The following VAT1L variants were observed in gnomAD, a reference collection of about 807,000 sequenced individuals.
The protein encoded by VAT1L is putative NADPH-dependent quinone oxidoreductase VAT1L.
A neutral mutation model predicts 44.1 loss-of-function variants in VAT1L; 34 were observed. The observed-to-expected ratio is 0.77, with a 90% CI of 0.59 to 1.03. The LOEUF (loss-of-function observed/expected upper bound fraction) is 1.03, where lower values mean the gene tolerates loss of function less well. Ranked by LOEUF, VAT1L falls within the 50% of genes least tolerant of loss-of-function variation. VAT1L has a pLI of 0.00. For synonymous variants in VAT1L, 253 were observed against 202.2 expected (o/e 1.25, Z -2.13); for missense variants, 615 against 538.8 (o/e 1.14, Z -1.40).
At chr16:77,948,871 A>G (rs2018005297) in intron 7 of VAT1L, among the ~76,000 whole-genome samples, 2 of 152,178 alleles carry the variant, frequency 1.3e-5, no homozygotes, top group South Asian at 4.1e-4. Context: ...ATAGGGTTAT[A>G]ATGAGGAGTG....
At chr16:77,926,201 C>T (rs995882955) in intron 7 of VAT1L, among the ~76,000 whole-genome samples, 2 of 144,728 alleles carry the variant, frequency 1.4e-5, no homozygotes, top group Admixed American at 7.0e-5. Flanking sequence ...TGCAGTGAGC[C>T]GAGATCGCAC....
At chr16:77,975,961 C>G (rs1159211334) in intron 8 of VAT1L, among the ~76,000 whole-genome samples, 1 of 152,184 alleles carries the variant, frequency 6.6e-6, no homozygotes, top group Non-Finnish European at 1.5e-5. Flanking sequence ...TAGAACAGAA[C>G]TAACAACAAT....
intron 7 of VAT1L, among the ~76,000 whole-genome samples, chr16:77,945,422 G>A (rs951617813): frequency 6.6e-6 from 1 of 151,684 alleles, no homozygotes; most frequent in Non-Finnish European, 1.5e-5. Flanking sequence ...GAGTAACTGC[G>A]ATTACAGGCA....
chr16:77,871,098 C>T (rs1457320972), intron 4 of VAT1L, among the ~76,000 whole-genome samples: 1 of 152,190 alleles, frequency 6.6e-6, no homozygotes, highest in Non-Finnish European at 1.5e-5. Flanking sequence ...AGGAACATTT[C>T]TACCCTTGAA....
intron 2 of VAT1L, among the ~76,000 whole-genome samples, chr16:77,824,034 A>G (rs1203128877): frequency 6.6e-6 from 1 of 152,180 alleles, no homozygotes; most frequent in Non-Finnish European, 1.5e-5. Context: ...AGAAAAAAAA[A>G]GAAAAGAAAA....
chr16:77,875,444 T>A (rs558988232), intron 4 of VAT1L, among the ~76,000 whole-genome samples: 1 of 152,190 alleles, frequency 6.6e-6, no homozygotes, highest in Non-Finnish European at 1.5e-5. Context: ...AGGAATGCCA[T>A]TCTTGTCTGA....
intron 7 of VAT1L, among the ~76,000 whole-genome samples, chr16:77,919,868 A>C (rs1040108050): frequency 7.9e-5 from 12 of 152,258 alleles, no homozygotes; most frequent in Admixed American, 2.0e-4. Flanking sequence ...GAGGCAGATC[A>C]CTTGCGGTCA....
At chr16:77,877,512 CAAAAA>C (rs55704400) in intron 5 of VAT1L, among the ~76,000 whole-genome samples, 1,537 of 85,928 alleles carry the variant, frequency 0.018, 2 homozygotes, top group African/African-American at 0.061. Context: ...GACTCTGTCT[CAAAAA>C]AAAAAAAAAA....
At chr16:77,876,509 A>G (rs766102909) in intron 5 of VAT1L, 36 bp downstream of exon 5, 1 of 1,580,878 alleles carries the variant, frequency 6.3e-7, no homozygotes, top group Non-Finnish European at 8.7e-7. Flanking sequence ...GTGGTCAGCA[A>G]TAGGTACCTC....
At chr16:77,863,578 C>A (rs1190487172) in intron 4 of VAT1L, among the ~76,000 whole-genome samples, 1 of 152,074 alleles carries the variant, frequency 6.6e-6, no homozygotes, top group African/African-American at 2.4e-5. Context: ...GAAGCATGAG[C>A]CAGAATTATC....
chr16:77,871,048 C>T (rs1597076099), intron 4 of VAT1L, among the ~76,000 whole-genome samples: 1 of 152,186 alleles, frequency 6.6e-6, no homozygotes, highest in Non-Finnish European at 1.5e-5. Flanking sequence ...AGGGACTCAA[C>T]AGAGGTGGAG....
At chr16:77,851,864 G>A (rs995610997) in intron 3 of VAT1L, among the ~76,000 whole-genome samples, 2 of 152,094 alleles carry the variant, frequency 1.3e-5, no homozygotes, top group African/African-American at 2.4e-5. Flanking sequence ...CCATATTGTC[G>A]TGTTTCCCCA....
In VAT1L at chr16:77,946,484, G is replaced by A. The variant is rs533376093; in HGVS notation, c.1078-25366G>A. Among the ~76,000 whole-genome samples the A allele has an allele frequency of 2.1e-4, 32 of 151,170 alleles. No homozygotes were observed. In the East Asian group the frequency reaches 3.4e-3, roughly 16 times the overall value. ...TTTTAAGTAGAGACAAGGTTTCACC[G>A]TGTTAGCCAGCATGATCTCGATCTC... On this transcript the variant is annotated intron_variant, in intron 7 of 8. Coordinates refer to ENST00000302536, the MANE Select transcript of VAT1L (RefSeq NM_020927.3).
intron 7 of VAT1L, among the ~76,000 whole-genome samples, chr16:77,899,352 A>G (rs1178181365): frequency 6.6e-6 from 1 of 152,220 alleles, no homozygotes; most frequent in Non-Finnish European, 1.5e-5. Context: ...CCCGTCAGGC[A>G]TCCTGATTTG....
chr16:77,874,180 T>G, intron 4 of VAT1L, among the ~76,000 whole-genome samples: 1 of 152,084 alleles, frequency 6.6e-6, no homozygotes, highest in East Asian at 1.9e-4. Context: ...TTGGTGAGGC[T>G]GCTTCTGACC....
At chr16:77,797,478 C>A (rs1043697570) in intron 1 of VAT1L, among the ~76,000 whole-genome samples, 1 of 152,192 alleles carries the variant, frequency 6.6e-6, no homozygotes, top group Non-Finnish European at 1.5e-5. Flanking sequence ...TGGATTTGGA[C>A]TGATCTATTG....
chr16:77,961,957 C>G (rs1241350270), intron 7 of VAT1L, among the ~76,000 whole-genome samples: 1 of 152,168 alleles, frequency 6.6e-6, no homozygotes, highest in Non-Finnish European at 1.5e-5. Flanking sequence ...TGTGACAAAT[C>G]CCTCACTGGG....
At chr16:77,792,353 T>A (rs1220999147) in intron 1 of VAT1L, among the ~76,000 whole-genome samples, 1 of 152,170 alleles carries the variant, frequency 6.6e-6, no homozygotes, top group African/African-American at 2.4e-5. Flanking sequence ...ACTTGCTAAC[T>A]GGATGTCTTA....
chr16:77,820,095 C>G (rs1316937793), intron 2 of VAT1L, among the ~76,000 whole-genome samples: 1 of 152,090 alleles, frequency 6.6e-6, no homozygotes, highest in Non-Finnish European at 1.5e-5. Flanking sequence ...CGTTATGTTT[C>G]CTTTGGAGCA....
Sources: allele counts gnomAD v4.1 joint callset (sites outside exome capture counted in the v4.1 genomes callset), GRCh38; gene constraint gnomAD v4.1.1; transcripts MANE v1.5; gene names NCBI Gene and HGNC (gene_info 2026-07-23, HGNC 2026-07-21).